SSH2: variants seen among roughly 807,000 people sequenced by gnomAD.
The protein encoded by SSH2 is protein phosphatase Slingshot homolog 2.
Under a neutral mutation model 135.2 loss-of-function variants are expected in SSH2, and 37 were observed. The ratio of observed to expected loss-of-function variants is 0.27; its 90% CI spans 0.21 to 0.36. The LOEUF (loss-of-function observed/expected upper bound fraction) is 0.36. Among genes scored for constraint, SSH2 ranks in the 10% least tolerant of loss-of-function variants. The pLI is 1.00. For missense variants in SSH2, 1,408 were observed against 1,765.3 expected (o/e 0.80, Z 3.63); for synonymous variants, 628 against 646.2 (o/e 0.97, Z 0.43).
chr17:29,858,451 T>C (rs1440612526), intron 1 of SSH2, among the ~76,000 whole-genome samples: 14 of 152,178 alleles, frequency 9.2e-5, no homozygotes, highest in Admixed American at 9.2e-4. Context: ...CAGAATGTGG[T>C]TGTATTTGGA....
chr17:29,923,740 C>G (rs981442457), intron 1 of SSH2, among the ~76,000 whole-genome samples: 2 of 152,014 alleles, frequency 1.3e-5, no homozygotes, highest in African/African-American at 4.8e-5. Context: ...GTGGCTCACA[C>G]CTGTAAGCCT....
At position 29,684,560 on chromosome 17, in the gene SSH2, T is replaced by C; in HGVS notation, c.479+3A>G. On this transcript the variant is annotated splice_donor_region_variant and intron_variant, in intron 6 of 15. Transcript: ENST00000540801. ...TTCACATTTTGAAATGGTACCACCA[T>C]ACCTGTCATTAGAGGAGAAATCCAT... 1 of 1,566,786 alleles carries C rather than the reference T, an allele frequency of 6.4e-7. No homozygotes were observed. Among genetic ancestry groups the C allele is most frequent in the South Asian group, 1.1e-5 (1 of 90,276 alleles).
intron 3 of SSH2, among the ~76,000 whole-genome samples, chr17:29,708,993 AATATAT>A (rs374708601): frequency 3.8e-4 from 25 of 65,820 alleles, no homozygotes; most frequent in African/African-American, 1.4e-3. Context: ...CTAGTTAAGA[AATATAT>A]ATATATATAT....
intron 5 of SSH2, among the ~76,000 whole-genome samples, chr17:29,685,140 T>TGCTATACTGAATTC (rs1279467130): frequency 1.3e-5 from 2 of 152,216 alleles, no homozygotes; most frequent in Admixed American, 1.3e-4. Flanking sequence ...GTACTGACTT[T>TGCTATACTGAATTC]GCTATACTGA....
In SSH2 at chr17:29,688,186, T is replaced by C. The variant is rs1225484626; in HGVS notation, c.358-3502A>G. The stretch of plus-strand genomic sequence containing the variant: ...CCACTGCGCCTGGCTCATTTTTGTG[T>C]TTTTAGTAGAGATGGGGTTTCACCA... On this transcript the variant is annotated intron_variant, in intron 5 of 15. Transcript: ENST00000540801. 1.3e-5 allele frequency among the ~76,000 whole-genome samples: 2 copies of C among 151,960 alleles called. 1 individual carries two copies. Among genetic ancestry groups the C allele is most frequent in the East Asian group, 3.9e-4 (2 of 5,176 alleles).
At chr17:29,862,510 A>G (rs917878686) in intron 1 of SSH2, among the ~76,000 whole-genome samples, 1 of 152,198 alleles carries the variant, frequency 6.6e-6, no homozygotes, top group African/African-American at 2.4e-5. Flanking sequence ...TGAACACATG[A>G]TATTTGTTCC....
At chr17:29,919,924 T>A (rs1274147098) in intron 1 of SSH2, among the ~76,000 whole-genome samples, 2 of 152,150 alleles carry the variant, frequency 1.3e-5, no homozygotes, top group Admixed American at 1.3e-4. Context: ...TTATTTATTT[T>A]CTGAGACGGA....
chr17:29,747,807 C>T (rs2040810728), intron 3 of SSH2, among the ~76,000 whole-genome samples: 1 of 152,124 alleles, frequency 6.6e-6, no homozygotes, highest in South Asian at 2.1e-4. Flanking sequence ...AAGAGGACTC[C>T]CATTTACTGG....
chr17:29,713,377 T>C (rs2039510569), intron 3 of SSH2, among the ~76,000 whole-genome samples: 1 of 152,108 alleles, frequency 6.6e-6, no homozygotes, highest in Non-Finnish European at 1.5e-5. Context: ...AAAACGCCAC[T>C]GGTCAGTCCA....
chr17:29,877,400 A>G (rs2066053716), intron 1 of SSH2, among the ~76,000 whole-genome samples: 1 of 152,218 alleles, frequency 6.6e-6, no homozygotes. Flanking sequence ...AGAAATCAGT[A>G]TATCACAGAG....
chr17:29,656,896 A>G (rs921261667), intron 11 of SSH2, among the ~76,000 whole-genome samples: 19 of 152,344 alleles, frequency 1.2e-4, no homozygotes, highest in Admixed American at 2.0e-4. Context: ...GAATTTCTAC[A>G]AATGTCCCCA....
chr17:29,761,895 T>TTTTTTTTG, intron 3 of SSH2, among the ~76,000 whole-genome samples: 1 of 146,020 alleles, frequency 6.8e-6, no homozygotes, highest in South Asian at 2.1e-4. Flanking sequence ...ATATTTTTTT[T>TTTTTTTTG]TGAGATGGAG....
chr17:29,835,841 G>C (rs186772291), intron 2 of SSH2, among the ~76,000 whole-genome samples: 26 of 151,744 alleles, frequency 1.7e-4, no homozygotes, highest in Non-Finnish European at 2.8e-4. Flanking sequence ...TTAGCTAGGC[G>C]TGGTGGTGGG....
chr17:29,640,945 G>A (rs2036134447), intron 14 of SSH2: 1 of 151,712 alleles, frequency 6.6e-6, no homozygotes, highest in Non-Finnish European at 1.5e-5. Context: ...ATTCATCACT[G>A]TGTATAAAGG....
In SSH2 at chr17:29,761,428, G is replaced by A. The variant is rs2041300347; in HGVS notation, c.188+32466C>T. 27 of 1,010,004 alleles carry A rather than the reference G, an allele frequency of 2.7e-5. No individual in the cohort carries two copies. The South Asian group carries it at 9.6e-4, about 36-fold the overall frequency. The allele number at this position is 1,010,004 out of a possible 1,614,324, so 62.6% of individuals were successfully genotyped here. A position where few individuals can be genotyped will look rare whatever the true frequency, so the allele number is the denominator to read the frequency against. ...GCCCCAGGGCTCGGCGGTAGAGTCC[G>A]GACTGACGGGCGTCGCCAGCAGTTC... On this transcript the variant is annotated intron_variant, in intron 3 of 15. Coordinates refer to ENST00000540801, the MANE Select transcript of SSH2 (RefSeq NM_001282129.2).
At position 29,779,809 on chromosome 17, in the gene SSH2, T is replaced by TAAAAAA. The variant is rs1567969193; in HGVS notation, c.188+14084_188+14085insTTTTTT. Among the ~76,000 whole-genome samples the TAAAAAA allele has an allele frequency of 6.8e-3, 73 of 10,772 alleles. 3 individuals carry two copies. The highest frequency in any genetic ancestry group is 0.026 in the African/African-American group (71 of 2,728). The allele number at this position is 10,772 out of a possible 152,430, so 7.1% of individuals were successfully genotyped here. A position where few individuals can be genotyped will look rare whatever the true frequency, so the allele number is the denominator to read the frequency against. On this transcript the variant is annotated intron_variant, in intron 3 of 15. Coordinates refer to ENST00000540801, the MANE Select transcript of SSH2 (RefSeq NM_001282129.2). ...CTGGGCGACAGAGTGAGACTCTGTC[T>TAAAAAA]CAAAAAAAAAAAAAAAAAAAAAAAA...
rs138829419 is a variant in SSH2, at chr17:29,636,494, T to C, written c.1736A>G (p.Asn579Ser). 2.4e-5 allele frequency: 38 copies of C among 1,614,092 alleles called. 4 individuals are homozygous for C. The highest frequency in any genetic ancestry group is 2.0e-4 in the South Asian group (18 of 91,084). ...IEDELNLNDI[N>S]GCSSGCCLNE... ...CAGACAACACCCTGATGAGCATCCA[T>C]TGATGTCATTTAAGTTTAATTCATC... The change falls in exon 15 of 16, where the codon AAT becomes AGT. Residue 579 changes from asparagine to serine, a missense_variant. This residue lies in a region of SSH2 where 1,080 missense variants were observed against 1,144.5 expected (regional missense o/e 0.94). Transcript: ENST00000540801.
intron 1 of SSH2, among the ~76,000 whole-genome samples, chr17:29,856,689 C>T (rs911653843): frequency 7.2e-5 from 11 of 152,306 alleles, no homozygotes; most frequent in Admixed American, 6.5e-4. Context: ...CTTCCTCCAT[C>T]CCCGTCCTCC....
At chr17:29,868,737 C>CAAA (rs10670727) in intron 1 of SSH2, among the ~76,000 whole-genome samples, 35 of 120,142 alleles carry the variant, frequency 2.9e-4, no homozygotes, top group East Asian at 1.9e-3. Flanking sequence ...GACTCCACCT[C>CAAA]AAAAAAAAAA....
Sources: gnomAD v4.1 joint callset for allele counts (sites outside exome capture counted in the v4.1 genomes callset) on GRCh38, gnomAD v4.1.1 for gene constraint, gnomAD v4.1.1 regional missense constraint, MANE v1.5 for transcripts, NCBI Gene and HGNC (gene_info 2026-07-23, HGNC 2026-07-21) for gene names.